Variants in LMO7 observed in about 807,000 individuals in gnomAD.
LMO7 encodes LIM domain only protein 7.
In LMO7, 120 loss-of-function variants were observed where a neutral mutation model predicts 206.5. The ratio of observed to expected loss-of-function variants is 0.58; its 90% CI spans 0.50 to 0.68. LMO7 has a LOEUF of 0.68. Among genes scored for constraint, LMO7 ranks in the 30% least tolerant of loss-of-function variants. The pLI is 0.00. For synonymous variants in LMO7, 706 were observed against 681.5 expected (o/e 1.04, Z -0.56); for missense variants, 1,959 against 1,957.9 (o/e 1.00, Z -0.01).
intron 3 of LMO7, among the ~76,000 whole-genome samples, chr13:75,757,790 C>CTGTGTGTG (rs57536883): frequency 3.5e-5 from 5 of 143,444 alleles, no homozygotes; most frequent in African/African-American, 7.6e-5. Context: ...CTCATTGTTT[C>CTGTGTGTG]TGTGTGTGTG....
chr13:75,749,389 TG>T (rs1357313957), intron 3 of LMO7, among the ~76,000 whole-genome samples: 3 of 152,156 alleles, frequency 2.0e-5, no homozygotes, highest in Non-Finnish European at 2.9e-5. Flanking sequence ...TTCAGCACTT[TG>T]GAAAAAAAGA....
chr13:75,643,046 T>G (rs1183546385), intron 1 of LMO7, among the ~76,000 whole-genome samples: 1 of 152,200 alleles, frequency 6.6e-6, no homozygotes, highest in East Asian at 1.9e-4. Flanking sequence ...CACAAATCCT[T>G]AAAACTTCTC....
chr13:75,852,839 T>C lies in LMO7; in HGVS notation c.4365-253T>C, dbSNP rs1222716624. Among the ~76,000 whole-genome samples the C allele has an allele frequency of 1.3e-5, 2 of 152,232 alleles. 1 individual carries two copies. The highest frequency in any genetic ancestry group is 4.8e-5 in the African/African-American group (2 of 41,460). ...GAGCATGATTGAGGTGGATTAGGCT[T>C]AGTTACAATGTATGGTAGTTTAGGT... On this transcript the variant is annotated intron_variant, in intron 27 of 30. Transcript: ENST00000377534.
intron 25 of LMO7, among the ~76,000 whole-genome samples, chr13:75,844,102 A>G (rs1399667073): frequency 1.3e-5 from 2 of 152,184 alleles, no homozygotes; most frequent in African/African-American, 4.8e-5. Context: ...AAAATAATTA[A>G]AATGCAGAGA....
At chr13:75,830,287 G>A (rs3783024) in intron 15 of LMO7, among the ~76,000 whole-genome samples, 16,021 of 152,152 alleles carry the variant, frequency 0.11, 990 homozygotes, top group Middle Eastern at 0.18. Flanking sequence ...ACTGCCATAA[G>A]GGGAAGGCCC....
chr13:75,807,231 G>T, intron 9 of LMO7: 1 of 449,710 alleles, frequency 2.2e-6, no homozygotes. Context: ...GGCCTCCATG[G>T]TGCCCAACTT....
intron 3 of LMO7, chr13:75,760,285 C>A (rs1035378877): frequency 4.6e-5 from 40 of 865,020 alleles, no homozygotes; most frequent in Non-Finnish European, 5.1e-5. Flanking sequence ...TTTTTGGAGG[C>A]AGCTCTTGAG....
At position 75,823,818 on chromosome 13, in the gene LMO7, T is replaced by C. The variant is rs201710176; in HGVS notation, c.2894T>C (p.Met965Thr). 5.0e-6 allele frequency: 8 copies of C among 1,614,144 alleles called. No individual in the cohort carries two copies. In the East Asian group the frequency reaches 1.3e-4, roughly 27 times the overall value. Residue 965 changes from methionine (M) to threonine (T), a missense_variant, in exon 15 of 31, where the codon ATG (methionine) becomes ACG (threonine). Coordinates refer to ENST00000377534, the MANE Select transcript of LMO7 (RefSeq NM_001306080.2). The stretch of plus-strand genomic sequence containing the variant: ...TCTTCCACATCTGGTCTTGATTTAA[T>C]GTCTGAATCTGGAGAAGGGGAAATC... ...TLSSTSGLDL[M>T]SESGEGEISP...
intron 4 of LMO7, among the ~76,000 whole-genome samples, chr13:75,762,439 T>C (rs984476489): frequency 6.6e-6 from 1 of 152,202 alleles, no homozygotes; most frequent in Non-Finnish European, 1.5e-5. Context: ...AAGTTGTTGA[T>C]GCTTGTTAAG....
At chr13:75,696,655 A>G (rs1435479936) in intron 1 of LMO7, among the ~76,000 whole-genome samples, 1 of 152,150 alleles carries the variant, frequency 6.6e-6, no homozygotes, top group African/African-American at 2.4e-5. Context: ...CCTTAGAGGA[A>G]GGCTTGGGAC....
chr13:75,640,599 A>T (rs983350588), intron 1 of LMO7, among the ~76,000 whole-genome samples: 1 of 152,000 alleles, frequency 6.6e-6, no homozygotes, highest in African/African-American at 2.4e-5. Context: ...GTGTGGTTCT[A>T]TTCGTTTTTC....
chr13:75,750,044 C>T (rs2047147614), intron 3 of LMO7, among the ~76,000 whole-genome samples: 1 of 151,492 alleles, frequency 6.6e-6, no homozygotes, highest in Non-Finnish European at 1.5e-5. Context: ...CGATGATTAT[C>T]CAAAATAATA....
chr13:75,665,076 T>C (rs1042718414), intron 1 of LMO7, among the ~76,000 whole-genome samples: 1 of 152,188 alleles, frequency 6.6e-6, no homozygotes, highest in Admixed American at 6.5e-5. Context: ...GTATATAGAA[T>C]AAAATGTTTT....
intron 1 of LMO7, among the ~76,000 whole-genome samples, chr13:75,703,993 G>A (rs1198318124): frequency 1.3e-5 from 2 of 152,288 alleles, no homozygotes; most frequent in Admixed American, 1.3e-4. Flanking sequence ...TAATGATGTG[G>A]ACATCTTATG....
At chr13:75,755,640 C>G (rs1409507125) in intron 3 of LMO7, among the ~76,000 whole-genome samples, 1 of 152,214 alleles carries the variant, frequency 6.6e-6, no homozygotes, top group Admixed American at 6.5e-5. Context: ...TAACTTACTA[C>G]TAGCTGGGCA....
At chr13:75,657,782 A>G (rs748911775) in intron 1 of LMO7, among the ~76,000 whole-genome samples, 2 of 152,064 alleles carry the variant, frequency 1.3e-5, no homozygotes, top group Non-Finnish European at 2.9e-5. Context: ...TCCTTGTTAT[A>G]TTTAGATGTT....
chr13:75,759,059 C>G (rs1278516619), intron 3 of LMO7, among the ~76,000 whole-genome samples: 1 of 152,148 alleles, frequency 6.6e-6, no homozygotes, highest in Admixed American at 6.5e-5. Context: ...GAAGGGGAGG[C>G]AGACATGTCT....
chr13:75,706,384 G>A (rs771061000), intron 1 of LMO7, among the ~76,000 whole-genome samples: 21 of 152,160 alleles, frequency 1.4e-4, no homozygotes, highest in Non-Finnish European at 2.5e-4. Flanking sequence ...GGAGTCTTAG[G>A]TGAGTTTACA....
Position 75,808,294 on chromosome 13 carries a change from T to A in LMO7, c.1916+95T>A, listed in dbSNP as rs896154665. 6 of 1,355,770 alleles carry A rather than the reference T, an allele frequency of 4.4e-6. No homozygotes were observed. In the African/African-American group the frequency reaches 7.4e-5, roughly 17 times the overall value. 84.0% of individuals were successfully genotyped at this position (1,355,770 alleles called of 1,614,324 possible). A position where few individuals can be genotyped will look rare whatever the true frequency, so the allele number is the denominator to read the frequency against. On this transcript the variant is annotated intron_variant, in intron 10 of 30. Transcript: ENST00000377534. The stretch of plus-strand genomic sequence containing the variant: ...AGCAGCTCATCGTGTTGCTCAACTC[T>A]GCATGTCGCGTGCCATTTTGAAGCA...
Sources: allele counts gnomAD v4.1 joint callset (sites outside exome capture counted in the v4.1 genomes callset), GRCh38; gene constraint gnomAD v4.1.1; transcripts MANE v1.5; gene names NCBI Gene and HGNC (gene_info 2026-07-23, HGNC 2026-07-21).